The following GRPEL1 variants were observed in gnomAD, a reference collection of about 807,000 sequenced individuals.
The protein encoded by GRPEL1 is GrpE like 1, mitochondrial, also known as grpE protein homolog 1, mitochondrial.
GRPEL1 carries 13 observed loss-of-function variants against 22.1 expected under a neutral mutation model. That is an observed-to-expected ratio of 0.59 (90% confidence interval 0.38 to 0.94). GRPEL1 has a LOEUF of 0.94. Among genes scored for constraint, GRPEL1 ranks in the 40% least tolerant of loss-of-function variants. The pLI is 0.00. For synonymous variants in GRPEL1, 109 were observed against 105.3 expected (o/e 1.03, Z -0.21); for missense variants, 289 against 264.6 (o/e 1.09, Z -0.64).
rs77399683 is a variant in GRPEL1, at chr4:7,060,025, T to A, written c.*837A>T. The stretch of plus-strand genomic sequence containing the variant: ...CTTGCCTCAGCGGCAAGGATCTCCA[T>A]GAGAGGACACAAAATTGTTTTCAGA... On this transcript the variant is annotated 3_prime_UTR_variant, in exon 4 of 4. Coordinates refer to ENST00000264954, the MANE Select transcript of GRPEL1 (RefSeq NM_025196.4). 1 of 152,312 alleles carries A rather than the reference T, an allele frequency of 6.6e-6. No individual in the cohort carries two copies. Among genetic ancestry groups the A allele is most frequent in the East Asian group, 1.9e-4 (1 of 5,186 alleles). The allele number at this position is 152,312 out of a possible 1,614,324, so 9.4% of individuals were successfully genotyped here.
rs376113323 is a variant in GRPEL1 at position 7,065,943 on chromosome 4, G to A, written c.63-1720C>T. Among the ~76,000 whole-genome samples, 8 of 148,172 alleles carry A rather than the reference G, an allele frequency of 5.4e-5. No individual in the cohort carries two copies. In the East Asian group the frequency reaches 6.0e-4, roughly 11 times the overall value. On this transcript the variant is annotated intron_variant, in intron 1 of 3. Coordinates refer to ENST00000264954, the MANE Select transcript of GRPEL1 (RefSeq NM_025196.4). ...ATCTCGGCTCACTGCAAGCTCCGCC[G>A]CCCGGGTTCACGCCATTCTCCTGCC...
intron 1 of GRPEL1, among the ~76,000 whole-genome samples, chr4:7,064,542 T>C (rs1724122230): frequency 6.6e-6 from 1 of 152,172 alleles, no homozygotes. Context: ...TGTATTTCTT[T>C]TTTTTTGAGA....
chr4:7,065,722 G>T (rs1724151350), intron 1 of GRPEL1, among the ~76,000 whole-genome samples: 1 of 152,084 alleles, frequency 6.6e-6, no homozygotes, highest in South Asian at 2.1e-4. Context: ...ACAAAGGCAT[G>T]AAGACAGGAA....
Position 7,059,401 on chromosome 4 carries a change from C to T in GRPEL1, c.*1461G>A, listed in dbSNP as rs1182994945. 2 of 152,184 alleles carry T rather than the reference C, an allele frequency of 1.3e-5. No individual in the cohort carries two copies. Among genetic ancestry groups the T allele is most frequent in the African/African-American group, 4.8e-5 (2 of 41,438 alleles). 9.4% of individuals were successfully genotyped at this position (152,184 alleles called of 1,614,324 possible). On this transcript the variant is annotated 3_prime_UTR_variant, in exon 4 of 4. Coordinates refer to ENST00000264954, the MANE Select transcript of GRPEL1 (RefSeq NM_025196.4). ...GTTGATAAATTACTTTTCTTAGCCT[C>T]CATTTAACTCGGGAGCTCCAGGGGT...
chr4:7,064,003 G>C, intron 2 of GRPEL1, 58 bp downstream of exon 2: 1 of 1,553,072 alleles, frequency 6.4e-7, no homozygotes, highest in Non-Finnish European at 8.8e-7. Flanking sequence ...CCTTTATGTG[G>C]CCCAGGAGAG....
chr4:7,063,969 G>C, intron 2 of GRPEL1, 92 bp downstream of exon 2: 1 of 1,409,536 alleles, frequency 7.1e-7, no homozygotes, highest in Non-Finnish European at 9.6e-7. Context: ...TCTGGCTTTA[G>C]TCTGTCACCA....
Position 7,064,091 on chromosome 4 carries a change from G to A in GRPEL1, c.195C>T (p.Val65=), listed in dbSNP as rs927168309. 6.2e-7 allele frequency: 1 copy of A among 1,614,024 alleles called. No homozygotes were observed. The highest frequency in any genetic ancestry group is 1.3e-5 in the African/African-American group (1 of 74,930). Residue 65 remains valine (V), a synonymous_variant, in exon 2 of 4, where the codon GTC becomes GTT. Coordinates refer to ENST00000264954, the MANE Select transcript of GRPEL1 (RefSeq NM_025196.4). ...ATEKTLLEEK[V]KLEEQLKETV... ...TCTCCTTCAGCTGTTCCTCCAACTT[G>A]ACCTTCTCTTCCAGGAGGGTCTTCT...
chr4:7,062,311 C>A, intron 3 of GRPEL1, 74 bp downstream of exon 3: 1 of 714,064 alleles, frequency 1.4e-6, no homozygotes, highest in Admixed American at 1.9e-5. Flanking sequence ...CTGACACTTC[C>A]GTATGCATGG....
In GRPEL1 at chr4:7,060,847, C is replaced by T. The variant is rs765219364; in HGVS notation, c.*15G>A. 5.6e-6 allele frequency: 9 copies of T among 1,594,650 alleles called. No homozygotes were observed. Among genetic ancestry groups the T allele is most frequent in the South Asian group, 1.1e-5 (1 of 88,554 alleles). On this transcript the variant is annotated 3_prime_UTR_variant, in exon 4 of 4. Coordinates refer to ENST00000264954, the MANE Select transcript of GRPEL1 (RefSeq NM_025196.4). ...CATCAAGTGAGTTTAAAAACACCCA[C>T]CCCATCAACAGCAGCTAAGCTTCCT... is the stretch of plus-strand genomic sequence containing the variant.
In GRPEL1 at chr4:7,062,486, A is replaced by AGATG. The variant is rs1553880296; in HGVS notation, c.226-21_226-20insCATC. The AGATG allele has an allele frequency of 2.4e-3, 942 of 396,686 alleles. 18 individuals are homozygous for AGATG. The African/African-American group carries it at 0.042, about 18-fold the overall frequency. 24.6% of individuals were successfully genotyped at this position (396,686 alleles called of 1,614,324 possible). A position where few individuals can be genotyped will look rare whatever the true frequency, so the allele number is the denominator to read the frequency against. On this transcript the variant is annotated intron_variant, in intron 2 of 3. Transcript: ENST00000264954. ...TTTTTCCTAAAAGAGAAAAAAAGGGATATTTATATATATATATATATATAT... is the reference window on the plus strand; with the variant it reads ...TTTTTCCTAAAAGAGAAAAAAAGGGAGATGTATTTATATATATATATATATATAT...
chr4:7,063,235 G>A (rs1724086552), intron 2 of GRPEL1, among the ~76,000 whole-genome samples: 1 of 151,832 alleles, frequency 6.6e-6, no homozygotes, highest in Non-Finnish European at 1.5e-5. Context: ...GACTACAGGA[G>A]TGCACCACCA....
rs1310184034 is a variant in GRPEL1 at position 7,061,122 on chromosome 4, C to T, written c.394G>A (p.Asp132Asn). ...TQCVPKEEIK[D>N]DNPHLKNLYE... ...AGGTTCTTCAGGTGAGGGTTATCGTCTTTAATTTCTTCTTTTGGAACACAC... is the reference window on the plus strand; with the variant it reads ...AGGTTCTTCAGGTGAGGGTTATCGTTTTTAATTTCTTCTTTTGGAACACAC... Residue 132 changes from aspartate to asparagine, a missense_variant, in exon 4 of 4, where the codon GAC (aspartate) becomes AAC (asparagine). Coordinates refer to ENST00000264954, the MANE Select transcript of GRPEL1 (RefSeq NM_025196.4). 1 of 1,614,064 alleles carries T rather than the reference C, an allele frequency of 6.2e-7. No individual in the cohort carries two copies. Among genetic ancestry groups the T allele is most frequent in the Non-Finnish European group, 8.5e-7 (1 of 1,180,038 alleles).
rs2108792127 is a variant in GRPEL1, at chr4:7,064,072, T to C, written c.214A>G (p.Lys72Glu). ...CTCACAGTCCTCACCACAGTCTCCTTCAGCTGTTCCTCCAACTTGACCTTC... is the reference window on the plus strand; with the variant it reads ...CTCACAGTCCTCACCACAGTCTCCTCCAGCTGTTCCTCCAACTTGACCTTC... ...EEKVKLEEQL[K>E]ETVEKYKRAL... Residue 72 changes from lysine to glutamate, a missense_variant, in exon 2 of 4, where the codon AAG (lysine) becomes GAG (glutamate). Physicochemically the swap from Lys to Glu is moderately conservative, Grantham distance 56. Transcript: ENST00000264954. 6.2e-7 allele frequency: 1 copy of C among 1,614,098 alleles called. No individual in the cohort carries two copies. The highest frequency in any genetic ancestry group is 2.2e-5 in the East Asian group (1 of 44,888).
At chr4:7,064,410 A>G in intron 1 of GRPEL1, 187 bp from the exon 2 acceptor site, 1 of 522,786 alleles carries the variant, frequency 1.9e-6, no homozygotes, top group Non-Finnish European at 3.3e-6. Context: ...TAAATATAAA[A>G]GCTGTAAGTC....
rs567175012 is a variant in GRPEL1 at position 7,066,615 on chromosome 4, T to C, written c.62+1356A>G. On this transcript the variant is annotated intron_variant, in intron 1 of 3. Transcript: ENST00000264954. ...ATTTAAATAAAAACTGAGTGTACTG[T>C]TGTGAAGCCCACCTTCCTCTCCAGT... Among the ~76,000 whole-genome samples the C allele has an allele frequency of 2.0e-5, 3 of 152,350 alleles. No homozygotes were observed. The East Asian group carries it at 5.8e-4, about 29-fold the overall frequency.
chr4:7,064,475 G>C (rs9998889), intron 1 of GRPEL1: 8,908 of 306,930 alleles, frequency 0.029, 733 homozygotes, highest in African/African-American at 0.18. Context: ...TTTTTTTAGA[G>C]ACAGGATTGG....
At position 7,059,761 on chromosome 4, in the gene GRPEL1, T is replaced by C. The variant is rs1429070406; in HGVS notation, c.*1101A>G. 6 of 152,268 alleles carry C rather than the reference T, an allele frequency of 3.9e-5. No homozygotes were observed. The highest frequency in any genetic ancestry group is 1.4e-4 in the African/African-American group (6 of 41,466). The allele number at this position is 152,268 out of a possible 1,614,324, so 9.4% of individuals were successfully genotyped here. On this transcript the variant is annotated 3_prime_UTR_variant, in exon 4 of 4. Coordinates refer to ENST00000264954, the MANE Select transcript of GRPEL1 (RefSeq NM_025196.4). ...AATCATTCAGCCTTTTTCTAAGCCC[T>C]GGATGACCGTGTAAATGAGGAACAG...
chr4:7,060,813 TGA>T lies in GRPEL1; in HGVS notation c.*47_*48del, dbSNP rs1724023001. The stretch of plus-strand genomic sequence containing the variant: ...TAGATGAGAAACAATGAACCAGCCT[TGA>T]GAGTTACATCAAGTGAGTTTAAAAA... On this transcript the variant is annotated 3_prime_UTR_variant, in exon 4 of 4. Transcript: ENST00000264954. 4.8e-6 allele frequency: 7 copies of T among 1,467,642 alleles called. No individual in the cohort carries two copies. In the East Asian group the frequency reaches 1.1e-4, roughly 24 times the overall value. The allele number at this position is 1,467,642 out of a possible 1,614,324, so 90.9% of individuals were successfully genotyped here.
Position 7,062,512 on chromosome 4 carries a change from A to G in GRPEL1, c.226-46T>C, listed in dbSNP as rs536724132. On this transcript the variant is annotated intron_variant, in intron 2 of 3. Coordinates refer to ENST00000264954, the MANE Select transcript of GRPEL1 (RefSeq NM_025196.4). ...TATTTATATATATATATATATATAT[A>G]TATCTTTTTTTTTGAGACGGAATCT... is the stretch of plus-strand genomic sequence containing the variant. 5 of 286,824 alleles carry G rather than the reference A, an allele frequency of 1.7e-5. 1 individual carries two copies. The highest frequency in any genetic ancestry group is 1.0e-4 in the East Asian group (1 of 10,036). The allele number at this position is 286,824 out of a possible 1,614,324, so 17.8% of individuals were successfully genotyped here.
Sources: allele counts gnomAD v4.1 joint callset (sites outside exome capture counted in the v4.1 genomes callset), GRCh38; gene constraint gnomAD v4.1.1; transcripts MANE v1.5; gene names NCBI Gene and HGNC (gene_info 2026-07-23, HGNC 2026-07-21).